The following CMYA5 variants were observed in gnomAD, a reference collection of about 807,000 sequenced individuals.
CMYA5 encodes the protein cardiomyopathy associated 5.
A neutral mutation model predicts 318.9 loss-of-function variants in CMYA5; 246 were observed. That is an observed-to-expected ratio of 0.77 (90% CI 0.70 to 0.86). The LOEUF is 0.86. Ranked by LOEUF, CMYA5 falls within the 40% of genes least tolerant of loss-of-function variation. The probability of loss-of-function intolerance (pLI) is 0.00; values close to 1 mark genes in which losing one functional copy is unlikely to be tolerated. For synonymous variants in CMYA5, 1,641 were observed against 1,729.5 expected (o/e 0.95, Z 1.27); for missense variants, 4,589 against 4,678.2 (o/e 0.98, Z 0.56).
chr5:79,764,159 G>A (rs1459202576), intron 9 of CMYA5, among the ~76,000 whole-genome samples: 1 of 143,874 alleles, frequency 7.0e-6, no homozygotes, highest in African/African-American at 2.6e-5. Flanking sequence ...CTACCCCCCT[G>A]CCCCCAAAAA....
rs1466083690 is a variant in CMYA5 at position 79,736,003 on chromosome 5, C to T, written c.7238C>T (p.Pro2413Leu). The change falls in exon 2 of 13, where the codon CCA (proline) becomes CTA (leucine). Residue 2413 changes from proline to leucine, a missense_variant. Physicochemically the swap from Pro to Leu is moderately conservative, Grantham distance 98. Transcript: ENST00000446378. ...ESEKPESIILPVEESKGSLID... is the reference protein window; with the variant it reads ...ESEKPESIILLVEESKGSLID... ...GAGAAACCAGAGTCAATTATTTTGC[C>T]AGTAGAAGAATCAAAAGGCAGTTTA... 6.2e-7 allele frequency: 1 copy of T among 1,613,130 alleles called. No homozygotes were observed. The highest frequency in any genetic ancestry group is 8.5e-7 in the Non-Finnish European group (1 of 1,179,640).
intron 1 of CMYA5, among the ~76,000 whole-genome samples, chr5:79,710,125 G>T (rs1827361482): frequency 6.6e-6 from 1 of 151,984 alleles, no homozygotes; most frequent in South Asian, 2.1e-4. Flanking sequence ...TGCAGAAGCA[G>T]ATGTGAGAAT....
chr5:79,733,335 G>A lies in CMYA5; in HGVS notation c.4570G>A (p.Glu1524Lys), dbSNP rs1217621222. 1.9e-6 allele frequency: 3 copies of A among 1,613,484 alleles called. No individual in the cohort carries two copies. Among genetic ancestry groups the A allele is most frequent in the Non-Finnish European group, 2.5e-6 (3 of 1,179,828 alleles). Residue 1524 changes from glutamate to lysine, a missense_variant, in exon 2 of 13, where the codon GAG (glutamate) becomes AAG (lysine). This residue lies in a region of CMYA5 where 2,132 missense variants were observed against 2,131.3 expected (regional missense o/e 1.00). Coordinates refer to ENST00000446378, the MANE Select transcript of CMYA5 (RefSeq NM_153610.5). ...CTTGATGTCTACCTCAGAGGTGTTA[G>A]AGCCTGAACATGAGCTTCCACTCAG... ...KSLMSTSEVL[E>K]PEHELPLSLW...
rs1387601251 is a variant in CMYA5 at position 79,732,762 on chromosome 5, GCACTAGCA to G, written c.3998_4005del (p.Ala1333ValfsTer9). ...AAAGCAAGTTGAACATGGTCCACCT[GCACTAGCA>G]TTTTCAGCTTTGTCAGAAGAAATTA... On this transcript the variant is annotated frameshift_variant, in exon 2 of 13. Transcript: ENST00000446378. LOFTEE classifies it high-confidence loss of function. 1 of 1,613,616 alleles carries G rather than the reference GCACTAGCA, an allele frequency of 6.2e-7. No individual in the cohort carries two copies. Among genetic ancestry groups the G allele is most frequent in the African/African-American group, 1.3e-5 (1 of 74,912 alleles).
intron 1 of CMYA5, among the ~76,000 whole-genome samples, chr5:79,715,374 G>T (rs1288736922): frequency 1.3e-5 from 2 of 151,824 alleles, no homozygotes; most frequent in African/African-American, 2.4e-5. Flanking sequence ...TGCAAGCTCC[G>T]CCTCCCGGGT....
chr5:79,751,017 C>T (rs1447062451), intron 5 of CMYA5, among the ~76,000 whole-genome samples: 2 of 152,122 alleles, frequency 1.3e-5, no homozygotes, highest in Non-Finnish European at 2.9e-5. Context: ...TCCGCCCTCT[C>T]CATCCCCACA....
chr5:79,798,108 T>C (rs1440946904), intron 12 of CMYA5, among the ~76,000 whole-genome samples: 1 of 152,178 alleles, frequency 6.6e-6, no homozygotes, highest in Non-Finnish European at 1.5e-5. Context: ...GTCTCACTTA[T>C]CTCCCCACCA....
chr5:79,726,110 G>T (rs1047099609), intron 1 of CMYA5, among the ~76,000 whole-genome samples: 2 of 152,176 alleles, frequency 1.3e-5, no homozygotes, highest in South Asian at 2.1e-4. Context: ...GATTGAGTGA[G>T]TGAATCAGTA....
chr5:79,704,797 C>G (rs1300642742), intron 1 of CMYA5, among the ~76,000 whole-genome samples: 1 of 152,136 alleles, frequency 6.6e-6, no homozygotes, highest in East Asian at 1.9e-4. Context: ...TCCCTTGACT[C>G]CTGATGGTTT....
rs778580394 is a variant in CMYA5 at position 79,738,547 on chromosome 5, G to A, written c.9782G>A (p.Gly3261Asp). 4 of 1,613,426 alleles carry A rather than the reference G, an allele frequency of 2.5e-6. No homozygotes were observed. Among genetic ancestry groups the A allele is most frequent in the African/African-American group, 1.3e-5 (1 of 75,032 alleles). ...CTAACTCAAAAGGACCAGGGCCAAG[G>A]TCTGGAAGAAAAACGAGTTGGTAAG... is the stretch of plus-strand genomic sequence containing the variant. ...TSLTQKDQGQ[G>D]LEEKRVGKDD... The change falls in exon 2 of 13, where the codon GGT (glycine) becomes GAT (aspartate). Residue 3261 changes from glycine to aspartate, a missense_variant. Physicochemically the swap from Gly to Asp is moderately conservative, Grantham distance 94. Around this residue, in one of 3 missense-constraint regions of CMYA5, gnomAD observed 2,431 missense variants for 2,495.1 expected, o/e 0.97. Transcript: ENST00000446378.
rs1828071634 is a variant in CMYA5, at chr5:79,736,512, A to G, written c.7747A>G (p.Thr2583Ala). Residue 2583 changes from threonine to alanine, a missense_variant, in exon 2 of 13, where the codon ACT (threonine) becomes GCT (alanine). By Grantham distance (58) the Thr-to-Ala change is moderately conservative (BLOSUM62 0). This residue lies in a region of CMYA5 where 2,431 missense variants were observed against 2,495.1 expected (regional missense o/e 0.97). Transcript: ENST00000446378. ...CTCTTTAGGTCATTCTTTGGGTGAA[A>G]CTCAATCATTTTCATTAGTTAAAGC... The part of the protein sequence containing the change: ...DISLGHSLGE[T>A]QSFSLVKATS... The G allele has an allele frequency of 2.5e-6, 4 of 1,612,942 alleles. No homozygotes were observed. The highest frequency in any genetic ancestry group is 1.3e-5 in the African/African-American group (1 of 74,888).
intron 5 of CMYA5, 107 bp from the exon 6 acceptor site, chr5:79,752,569 A>T (rs1431543208): frequency 1.7e-5 from 12 of 685,868 alleles, no homozygotes; most frequent in African/African-American, 3.6e-5. Context: ...GCCCTGCCTT[A>T]TGCAAACCAC....
rs995214517 is a variant in CMYA5, at chr5:79,727,857, G to A, written c.150-1058G>A. 2.8e-4 allele frequency among the ~76,000 whole-genome samples: 43 copies of A among 152,200 alleles called. 1 individual carries two copies. The highest frequency in any genetic ancestry group is 2.0e-3 in the Admixed American group (31 of 15,274). On this transcript the variant is annotated intron_variant, in intron 1 of 12. Coordinates refer to ENST00000446378, the MANE Select transcript of CMYA5 (RefSeq NM_153610.5). ...AGGAGCGGCCAAAGCCAGCCATCTC[G>A]GAAGGGATGAGAGACCAGTCCACGG...
At chr5:79,711,970 T>C (rs1827399795) in intron 1 of CMYA5, among the ~76,000 whole-genome samples, 1 of 152,218 alleles carries the variant, frequency 6.6e-6, no homozygotes, top group South Asian at 2.1e-4. Flanking sequence ...GGTACAGCAG[T>C]ATCTCAAGGA....
At chr5:79,745,196 G>A (rs375090027) in intron 3 of CMYA5, 26 bp from the exon 4 acceptor site, 2 of 1,425,932 alleles carry the variant, frequency 1.4e-6, no homozygotes, top group Non-Finnish European at 9.6e-7. Context: ...ATTCAGAAGT[G>A]GGCTTTTTTG....
intron 8 of CMYA5, chr5:79,762,337 T>C (rs35693325): frequency 8.1e-4 from 138 of 169,554 alleles, no homozygotes; most frequent in Non-Finnish European, 1.2e-3. Context: ...AAGGAGGATA[T>C]TCCACTTGAA....
At chr5:79,772,846 G>A (rs185579217) in intron 9 of CMYA5, among the ~76,000 whole-genome samples, 5 of 152,196 alleles carry the variant, frequency 3.3e-5, no homozygotes, top group East Asian at 1.9e-4. Context: ...TTCTTTACAC[G>A]GTCCGATGCT....
Position 79,730,301 on chromosome 5 carries a change from C to T in CMYA5, c.1536C>T (p.Ser512=), listed in dbSNP as rs757316522. ...CAGAGAAAGAAGAAATAGAAACTTC[C>T]CTACCCATAGCTATTACCCCTGAAC... ...EEPEKEEIET[S]LPIAITPEPE... The change falls in exon 2 of 13, where the codon TCC becomes TCT. Residue 512 remains serine, a synonymous_variant. Transcript: ENST00000446378. The T allele has an allele frequency of 3.1e-6, 5 of 1,613,910 alleles. No homozygotes were observed. The highest frequency in any genetic ancestry group is 4.2e-6 in the Non-Finnish European group (5 of 1,179,866).
chr5:79,718,380 G>C (rs1187455861), intron 1 of CMYA5, among the ~76,000 whole-genome samples: 2 of 151,914 alleles, frequency 1.3e-5, no homozygotes, highest in Non-Finnish European at 2.9e-5. Context: ...AGCTTTCTTG[G>C]TGTTTTATGG....
Sources: allele counts gnomAD v4.1 joint callset (sites outside exome capture counted in the v4.1 genomes callset), GRCh38; gene constraint gnomAD v4.1.1; regional missense constraint gnomAD v4.1.1; transcripts MANE v1.5; gene names NCBI Gene and HGNC (gene_info 2026-07-23, HGNC 2026-07-21).